The following FOXN3 variants were observed in gnomAD, a reference collection of about 807,000 sequenced individuals.
The protein encoded by FOXN3 is forkhead box protein N3.
A neutral mutation model predicts 38.4 loss-of-function variants in FOXN3; 7 were observed. The observed-to-expected ratio is 0.18, with a 90% confidence interval of 0.10 to 0.34. FOXN3 has a LOEUF of 0.34. Ranked by LOEUF, FOXN3 falls within the 10% of genes least tolerant of loss-of-function variation. The pLI is 1.00. For synonymous variants in FOXN3, 230 were observed against 242.2 expected (o/e 0.95, Z 0.47); for missense variants, 456 against 613.4 (o/e 0.74, Z 2.71).
intron 4 of FOXN3, among the ~76,000 whole-genome samples, chr14:89,271,540 ATCTG>A (rs566703122): frequency 3.5e-4 from 54 of 152,356 alleles, no homozygotes; most frequent in African/African-American, 9.4e-4. Flanking sequence ...TTGTATCTGC[ATCTG>A]TCTATCTACT....
intron 1 of FOXN3, among the ~76,000 whole-genome samples, chr14:89,461,492 G>T (rs1330286306): frequency 2.0e-5 from 3 of 152,084 alleles, no homozygotes; most frequent in Admixed American, 6.5e-5. Context: ...GACACACAAA[G>T]AATATTTTCT....
intron 3 of FOXN3, among the ~76,000 whole-genome samples, chr14:89,306,277 C>A (rs1415992215): frequency 6.6e-6 from 1 of 151,826 alleles, no homozygotes; most frequent in East Asian, 1.9e-4. Context: ...AAGAGGGGAG[C>A]TGAAGAAACA....
chr14:89,322,332 C>G (rs1329875891), intron 3 of FOXN3, among the ~76,000 whole-genome samples: 1 of 152,194 alleles, frequency 6.6e-6, no homozygotes, highest in Non-Finnish European at 1.5e-5. Flanking sequence ...AATTAAATGG[C>G]TTCATTCATC....
upstream of FOXN3, chr14:89,417,599 C>T (rs1891785975): frequency 2.0e-5 from 8 of 403,352 alleles, no homozygotes; most frequent in Admixed American, 2.6e-5. Flanking sequence ...CGCTGCGCTG[C>T]TGGCAACGTG....
rs1403570476 is a variant in FOXN3, at chr14:89,442,065, T to C, written c.-14-29575A>G. Among the ~76,000 whole-genome samples, 4 of 152,174 alleles carry C rather than the reference T, an allele frequency of 2.6e-5. No individual in the cohort carries two copies. In the East Asian group the frequency reaches 7.7e-4, roughly 29 times the overall value. On this transcript the variant is annotated intron_variant, in intron 1 of 6. Coordinates refer to the FOXN3 transcript ENST00000345097. Reference sequence around the variant, plus strand: ...CCTCAGCCTCCCAAGTAGCTGGGATTACAGGCATGCGCCACCACGCTTGGC... The same window carrying C: ...CCTCAGCCTCCCAAGTAGCTGGGATCACAGGCATGCGCCACCACGCTTGGC...
intron 1 of FOXN3, among the ~76,000 whole-genome samples, chr14:89,477,124 G>A (rs1296431413): frequency 6.6e-6 from 1 of 152,096 alleles, no homozygotes; most frequent in Admixed American, 6.6e-5. Flanking sequence ...TAGACTGGGG[G>A]AACACTCACG....
intron 1 of FOXN3, among the ~76,000 whole-genome samples, chr14:89,531,097 CAT>C (rs988841466): frequency 2.3e-5 from 3 of 131,580 alleles, no homozygotes; most frequent in African/African-American, 8.2e-5. Context: ...TATACACACA[CAT>C]ATATAATATA....
chr14:89,248,897 A>G lies in FOXN3; in HGVS notation c.745+32053T>C, dbSNP rs146614937. Among the ~76,000 whole-genome samples, 32 of 152,340 alleles carry G rather than the reference A, an allele frequency of 2.1e-4. No homozygotes were observed. In the East Asian group the frequency reaches 5.6e-3, roughly 27 times the overall value. ...GTCAGGAATTCAACCTCTTGATTTA[A>G]GAGCTCTGGAATTCAAGTGCTTCAA... is the stretch of plus-strand genomic sequence containing the variant. On this transcript the variant is annotated intron_variant, in intron 4 of 5. Transcript: ENST00000557258.
At chr14:89,528,652 T>C (rs1384249272) in intron 1 of FOXN3, among the ~76,000 whole-genome samples, 1 of 151,838 alleles carries the variant, frequency 6.6e-6, no homozygotes, top group Admixed American at 6.6e-5. Flanking sequence ...CACCTTGGCC[T>C]CCCAACGTGC....
chr14:89,309,578 G>C (rs1022886573), intron 3 of FOXN3, among the ~76,000 whole-genome samples: 2 of 152,208 alleles, frequency 1.3e-5, no homozygotes, highest in African/African-American at 4.8e-5. Flanking sequence ...GCAAAACCAA[G>C]GCAGAGGCTG....
chr14:89,184,759 G>A (rs1275487867), intron 4 of FOXN3, among the ~76,000 whole-genome samples: 2 of 152,190 alleles, frequency 1.3e-5, no homozygotes, highest in Non-Finnish European at 1.5e-5. Context: ...CTAGGTCAAC[G>A]GCTTAGCTCA....
At chr14:89,202,308 T>A (rs972283756) in intron 4 of FOXN3, among the ~76,000 whole-genome samples, 2 of 152,230 alleles carry the variant, frequency 1.3e-5, no homozygotes, top group Non-Finnish European at 2.9e-5. Context: ...ACACAGGACG[T>A]AGTCTGAGAA....
rs1047368291 is a variant in FOXN3, at chr14:89,255,229, T to C, written c.745+25721A>G. 4.6e-5 allele frequency among the ~76,000 whole-genome samples: 7 copies of C among 152,224 alleles called. No homozygotes were observed. In the South Asian group the frequency reaches 1.4e-3, roughly 32 times the overall value. ...TTAACACTTCTTTCAACACCAGCCA[T>C]GAGCCCACGTTGCCACTTTCCGGTC... On this transcript the variant is annotated intron_variant, in intron 4 of 5. Transcript: ENST00000557258.
chr14:89,509,308 T>C (rs1894010273), intron 1 of FOXN3, among the ~76,000 whole-genome samples: 1 of 144,762 alleles, frequency 6.9e-6, no homozygotes. Context: ...TATTTGCAAA[T>C]TATATACAGT....
chr14:89,194,852 T>C (rs538742279), intron 4 of FOXN3, among the ~76,000 whole-genome samples: 14 of 152,304 alleles, frequency 9.2e-5, no homozygotes, highest in African/African-American at 2.6e-4. Context: ...TACATATTCA[T>C]TGAAAAACTA....
intron 3 of FOXN3, among the ~76,000 whole-genome samples, chr14:89,311,782 C>A (rs545494911): frequency 6.6e-6 from 1 of 152,216 alleles, no homozygotes; most frequent in East Asian, 1.9e-4. Flanking sequence ...GTTGAGATCA[C>A]GCCACTGCAC....
At chr14:89,485,960 T>A (rs904395966) in intron 1 of FOXN3, among the ~76,000 whole-genome samples, 1 of 152,094 alleles carries the variant, frequency 6.6e-6, no homozygotes, top group Non-Finnish European at 1.5e-5. Context: ...CTTCCCTAAT[T>A]ATTTCAATCC....
chr14:89,338,876 G>A (rs1241882108), intron 3 of FOXN3, among the ~76,000 whole-genome samples: 1 of 152,206 alleles, frequency 6.6e-6, no homozygotes, highest in Non-Finnish European at 1.5e-5. Context: ...AAAGACAGTG[G>A]CAATGGTGAG....
At chr14:89,565,291 C>T (rs542438036) in intron 1 of FOXN3, among the ~76,000 whole-genome samples, 2 of 152,176 alleles carry the variant, frequency 1.3e-5, no homozygotes, top group African/African-American at 4.8e-5. Flanking sequence ...TGCACAGCCC[C>T]GCCAACACCT....
Sources: allele counts gnomAD v4.1 joint callset (sites outside exome capture counted in the v4.1 genomes callset), GRCh38; gene constraint gnomAD v4.1.1; transcripts MANE v1.5; gene names NCBI Gene and HGNC (gene_info 2026-07-23, HGNC 2026-07-21).